Variants in GABRB2 observed in about 807,000 individuals in gnomAD.
GABRB2 encodes the protein gamma-aminobutyric acid receptor subunit beta-2.
In GABRB2, 16 loss-of-function variants were observed where a neutral mutation model predicts 54.7. The ratio of observed to expected loss-of-function variants is 0.29; its 90% CI spans 0.20 to 0.44. The LOEUF is 0.44. GABRB2 is among the 20% of genes least tolerant of loss of function. The pLI is 1.00. For missense variants in GABRB2, 355 were observed against 644.0 expected, an observed-to-expected ratio of 0.55 and a Z score of 4.86; for synonymous variants, 244 against 233.8, an observed-to-expected ratio of 1.04 and a Z score of -0.40.
rs55916255 is a variant in GABRB2, at chr5:161,386,824, CA to C, written c.541+24150del. Among the ~76,000 whole-genome samples the C allele has an allele frequency of 2.1e-3, 283 of 137,038 alleles. 3 individuals carry two copies. The highest frequency in any genetic ancestry group is 7.2e-3 in the African/African-American group (268 of 37,012). 89.9% of individuals were successfully genotyped at this position (137,038 alleles called of 152,430 possible). ...GCAGGCATGAGCCACTGTGCCCAGCCAAAAAAAAAAAAAAATTATTATTGTT... is the reference window on the plus strand; with the variant it reads ...GCAGGCATGAGCCACTGTGCCCAGCCAAAAAAAAAAAAAATTATTATTGTT... On this transcript the variant is annotated intron_variant, in intron 5 of 9. Coordinates refer to ENST00000393959, the MANE Select transcript of GABRB2 (RefSeq NM_001371727.1).
At chr5:161,395,729 T>TA (rs1271156086) in intron 5 of GABRB2, among the ~76,000 whole-genome samples, 2 of 151,952 alleles carry the variant, frequency 1.3e-5, no homozygotes, top group African/African-American at 4.8e-5. Flanking sequence ...GAAGAGTGAG[T>TA]AAAAAAATCC....
intron 4 of GABRB2, among the ~76,000 whole-genome samples, chr5:161,445,685 C>T (rs904184395): frequency 6.6e-6 from 1 of 152,140 alleles, no homozygotes; most frequent in Non-Finnish European, 1.5e-5. Context: ...ACAACCCAGA[C>T]ATTCTTTCTA....
chr5:161,495,723 CA>C (rs1759219461), intron 3 of GABRB2, among the ~76,000 whole-genome samples: 1 of 152,002 alleles, frequency 6.6e-6, no homozygotes, highest in African/African-American at 2.4e-5. Context: ...GAGATAAAGT[CA>C]GGGGCAACTC....
At chr5:161,303,176 G>A (rs531131522) in intron 9 of GABRB2, among the ~76,000 whole-genome samples, 2 of 152,272 alleles carry the variant, frequency 1.3e-5, no homozygotes, top group East Asian at 1.9e-4. Flanking sequence ...TGGCTTGTTC[G>A]AAGCTAGGTA....
At chr5:161,517,717 G>A (rs576721562) in intron 3 of GABRB2, among the ~76,000 whole-genome samples, 7 of 152,048 alleles carry the variant, frequency 4.6e-5, no homozygotes, top group Non-Finnish European at 1.0e-4. Context: ...TGGCATAAAA[G>A]TCAATTTAAA....
intron 4 of GABRB2, among the ~76,000 whole-genome samples, chr5:161,413,841 T>C (rs1756589565): frequency 1.3e-5 from 2 of 152,158 alleles, no homozygotes; most frequent in Admixed American, 6.5e-5. Flanking sequence ...GAAGCCTTGA[T>C]TGTGTTAATG....
At chr5:161,414,473 AATACCC>A (rs1561641980) in intron 4 of GABRB2, among the ~76,000 whole-genome samples, 1 of 152,186 alleles carries the variant, frequency 6.6e-6, no homozygotes, top group Non-Finnish European at 1.5e-5. Flanking sequence ...AGACATGTGG[AATACCC>A]ATACACTTAC....
intron 3 of GABRB2, among the ~76,000 whole-genome samples, chr5:161,475,223 C>T (rs1255306059): frequency 1.3e-5 from 2 of 151,968 alleles, no homozygotes; most frequent in African/African-American, 2.4e-5. Context: ...TAGAATTACA[C>T]ATGACATGTG....
chr5:161,434,815 T>C (rs548730562), intron 4 of GABRB2, among the ~76,000 whole-genome samples: 2 of 152,326 alleles, frequency 1.3e-5, no homozygotes, highest in South Asian at 4.1e-4. Context: ...TTATAACTAT[T>C]TTACAAATGA....
intron 4 of GABRB2, among the ~76,000 whole-genome samples, chr5:161,450,490 T>C (rs1286833048): frequency 1.3e-5 from 2 of 152,178 alleles, no homozygotes; most frequent in Non-Finnish European, 2.9e-5. Flanking sequence ...GATGTATTTC[T>C]GATCCTGCTA....
intron 3 of GABRB2, among the ~76,000 whole-genome samples, chr5:161,475,998 A>G (rs1302904495): frequency 1.3e-5 from 2 of 151,968 alleles, no homozygotes; most frequent in African/African-American, 4.8e-5. Context: ...AAAAAGTAAA[A>G]TAATCTCTGT....
chr5:161,338,139 A>G lies in GABRB2; in HGVS notation c.542-1370T>C, dbSNP rs564399108. Among the ~76,000 whole-genome samples the G allele has an allele frequency of 3.1e-3, 468 of 152,240 alleles. 1 individual carries two copies. The highest frequency in any genetic ancestry group is 0.011 in the African/African-American group (455 of 41,556). Reference sequence around the variant, plus strand: ...CAAATTTTTTTTTCAAAGAAGTAGGATACCTTCAATTGGAGAATCTACATC... The same window carrying G: ...CAAATTTTTTTTTCAAAGAAGTAGGGTACCTTCAATTGGAGAATCTACATC... On this transcript the variant is annotated intron_variant, in intron 5 of 9. Transcript: ENST00000393959.
At chr5:161,513,214 C>T (rs1759834048) in intron 3 of GABRB2, among the ~76,000 whole-genome samples, 1 of 151,966 alleles carries the variant, frequency 6.6e-6, no homozygotes, top group Non-Finnish European at 1.5e-5. Context: ...TACTTAACTA[C>T]CTGAACTACC....
chr5:161,511,512 T>C (rs890173576), intron 3 of GABRB2, among the ~76,000 whole-genome samples: 1 of 152,008 alleles, frequency 6.6e-6, no homozygotes, highest in Non-Finnish European at 1.5e-5. Flanking sequence ...AAAAAATATA[T>C]CCAAGTACTA....
intron 3 of GABRB2, among the ~76,000 whole-genome samples, chr5:161,538,695 G>T (rs1465403160): frequency 6.6e-6 from 1 of 152,038 alleles, no homozygotes; most frequent in Non-Finnish European, 1.5e-5. Context: ...ATGGTGGCAC[G>T]TGCCTGTAGT....
chr5:161,318,395 A>T (rs1411815752), intron 9 of GABRB2, among the ~76,000 whole-genome samples: 1 of 151,942 alleles, frequency 6.6e-6, no homozygotes, highest in African/African-American at 2.4e-5. Context: ...TCTAAAATTT[A>T]ATTTGGAGAA....
Position 161,545,318 on chromosome 5 carries a change from C to A in GABRB2, c.170-24G>T, listed in dbSNP as rs775659800. On this transcript the variant is annotated intron_variant, in intron 2 of 9. Coordinates refer to ENST00000393959, the MANE Select transcript of GABRB2 (RefSeq NM_001371727.1). Reference sequence around the variant, plus strand: ...ACCTGCAAAGCAAGACGGCCAGCCACGTGATTTCTTTGAACTTCATTCATT... The same window carrying A: ...ACCTGCAAAGCAAGACGGCCAGCCAAGTGATTTCTTTGAACTTCATTCATT... 1.7e-5 allele frequency: 26 copies of A among 1,575,062 alleles called. No homozygotes were observed. The South Asian group carries it at 2.8e-4, about 17-fold the overall frequency.
chr5:161,389,000 A>T (rs904470616), intron 5 of GABRB2, among the ~76,000 whole-genome samples: 4 of 152,046 alleles, frequency 2.6e-5, no homozygotes, highest in East Asian at 3.8e-4. Context: ...TATTTTCCAG[A>T]ATCACAGACT....
chr5:161,327,009 G>C (rs1409597429), intron 8 of GABRB2: 1 of 981,460 alleles, frequency 1.0e-6, no homozygotes, highest in East Asian at 1.1e-4. Context: ...CAAGAACAGT[G>C]GGTGAAATCA....
Sources: allele counts gnomAD v4.1 joint callset (sites outside exome capture counted in the v4.1 genomes callset), GRCh38; gene constraint gnomAD v4.1.1; transcripts MANE v1.5; gene names NCBI Gene and HGNC (gene_info 2026-07-23, HGNC 2026-07-21).